BRF2: variants seen among roughly 807,000 people sequenced by gnomAD.
BRF2 encodes transcription factor IIIB 50 kDa subunit.
In BRF2, 17 loss-of-function variants were observed where a neutral mutation model predicts 26.6. That is an observed-to-expected ratio of 0.64 (90% CI 0.44 to 0.96). The LOEUF is 0.96. Ranked by LOEUF, BRF2 falls within the 40% of genes least tolerant of loss-of-function variation. The pLI, the probability that BRF2 is intolerant of heterozygous loss-of-function variation, is 0.00. For missense variants in BRF2, 515 were observed against 537.0 expected, an observed-to-expected ratio of 0.96 and a Z score of 0.40; for synonymous variants, 219 against 226.6, an observed-to-expected ratio of 0.97 and a Z score of 0.30.
At chr8:37,849,376 A>G (rs1029069873) in intron 1 of BRF2, among the ~76,000 whole-genome samples, 3 of 152,212 alleles carry the variant, frequency 2.0e-5, no homozygotes, top group Non-Finnish European at 4.4e-5. Context: ...ACATGGCAAG[A>G]TGAGTGGAAC....
rs545787925 is a variant in BRF2 at position 37,848,645 on chromosome 8, A to G, written c.165T>C (p.Tyr55=). The stretch of plus-strand genomic sequence containing the variant: ...GTTCGTTTTCCCCTGTGCTTCGGGA[A>G]TATGTTACCTCTGTAAGATAATAAA... ...SDEGNLREVT[Y]SRSTGENEQV... is the part of the protein sequence containing the mutation. Residue 55 remains tyrosine, a synonymous_variant, in exon 2 of 4, where the codon TAT becomes TAC. Coordinates refer to ENST00000220659, the MANE Select transcript of BRF2 (RefSeq NM_018310.4). 2.5e-6 allele frequency: 4 copies of G among 1,613,800 alleles called. No homozygotes were observed. The highest frequency in any genetic ancestry group is 3.4e-6 in the Non-Finnish European group (4 of 1,179,770).
intron 3 of BRF2, among the ~76,000 whole-genome samples, chr8:37,846,070 G>A (rs554270077): frequency 1.8e-4 from 28 of 152,114 alleles, no homozygotes; most frequent in African/African-American, 5.3e-4. Context: ...ATTCTTTGGC[G>A]GGGTGCAGTG....
At position 37,843,459 on chromosome 8, in the gene BRF2, A is replaced by AG. The variant is rs1424640369; in HGVS notation, c.*1030dup. ...GTGGCTGGGGTCCCTGCAGGTCATG[A>AG]GGGGCCTATGCCTTTACTCCTTTTA... On this transcript the variant is annotated 3_prime_UTR_variant, in exon 4 of 4. Transcript: ENST00000220659. The AG allele has an allele frequency of 6.6e-6, 1 of 152,220 alleles. No homozygotes were observed. Among genetic ancestry groups the AG allele is most frequent in the Non-Finnish European group, 1.5e-5 (1 of 68,050 alleles). 9.4% of individuals were successfully genotyped at this position (152,220 alleles called of 1,614,324 possible).
chr8:37,846,781 T>C lies in BRF2; in HGVS notation c.536+73A>G, dbSNP rs28490896. On this transcript the variant is annotated intron_variant, in intron 3 of 3. Coordinates refer to ENST00000220659, the MANE Select transcript of BRF2 (RefSeq NM_018310.4). The stretch of plus-strand genomic sequence containing the variant: ...AGACTCCAAGAAAAAAAAAAAGAGA[T>C]GGCCAAAGGTCAAAGGATTCAGGTC... The C allele has an allele frequency of 7.8e-3, 8,399 of 1,072,972 alleles. 471 individuals are homozygous for C. The African/African-American group carries it at 0.12, about 15-fold the overall frequency. The allele number at this position is 1,072,972 out of a possible 1,614,324, so 66.5% of individuals were successfully genotyped here.
At chr8:37,845,359 G>A (rs773372312) in intron 3 of BRF2, 146 bp from the exon 4 acceptor site, 13 of 702,126 alleles carry the variant, frequency 1.9e-5, no homozygotes, top group African/African-American at 5.3e-5. Flanking sequence ...TAAAGGTAGT[G>A]AGAGAAAACA....
intron 3 of BRF2, chr8:37,845,842 TTAAC>T: frequency 1.7e-6 from 1 of 598,118 alleles, no homozygotes; most frequent in Non-Finnish European, 3.0e-6. Flanking sequence ...AGTTATGTCA[TTAAC>T]TAATATACTT....
chr8:37,845,634 T>C, intron 3 of BRF2: 4 of 688,122 alleles, frequency 5.8e-6, no homozygotes, highest in East Asian at 2.7e-5. Flanking sequence ...GAAAAGAACA[T>C]AGCTACTTCA....
At chr8:37,848,142 G>A (rs1299550291) in intron 2 of BRF2, among the ~76,000 whole-genome samples, 8 of 151,330 alleles carry the variant, frequency 5.3e-5, no homozygotes, top group Non-Finnish European at 1.2e-4. Flanking sequence ...AGTAGAGATG[G>A]GGTTTCATCG....
chr8:37,847,243 G>T, intron 2 of BRF2, 68 bp from the exon 3 acceptor site: 1 of 1,414,098 alleles, frequency 7.1e-7, no homozygotes, highest in Non-Finnish European at 1.0e-6. Flanking sequence ...AGAAAATTCT[G>T]CTAGGACTTA....
At position 37,844,628 on chromosome 8, in the gene BRF2, A is replaced by G. The variant is rs1805915721; in HGVS notation, c.1122T>C (p.Pro374=). ...TCTCATCTCCAGTGACAGTGGAGAC[A>G]GGGGGTACAGGGCAGATCCGCTTCG... ...KSPKRICPVP[P]VSTVTGDENI... is the part of the protein sequence containing the mutation. Residue 374 remains proline (P), a synonymous_variant, in exon 4 of 4, where the codon CCT becomes CCC. Coordinates refer to ENST00000220659, the MANE Select transcript of BRF2 (RefSeq NM_018310.4). 4.3e-6 allele frequency: 7 copies of G among 1,613,942 alleles called. No homozygotes were observed. The highest frequency in any genetic ancestry group is 1.1e-5 in the South Asian group (1 of 91,044).
chr8:37,845,277 A>G, intron 3 of BRF2, 64 bp from the exon 4 acceptor site: 1 of 1,316,416 alleles, frequency 7.6e-7, no homozygotes, highest in Non-Finnish European at 1.1e-6. Flanking sequence ...ACAGTGAGGA[A>G]AGACAGCCCA....
intron 2 of BRF2, among the ~76,000 whole-genome samples, chr8:37,847,591 G>A (rs747073915): frequency 2.6e-5 from 4 of 152,140 alleles, no homozygotes; most frequent in Non-Finnish European, 5.9e-5. Flanking sequence ...GTGCAGTGGC[G>A]CCATCTTGGC....
At chr8:37,849,242 G>C (rs774042267) in intron 1 of BRF2, among the ~76,000 whole-genome samples, 1 of 152,204 alleles carries the variant, frequency 6.6e-6, no homozygotes, top group African/African-American at 2.4e-5. Flanking sequence ...CAGATTTTGA[G>C]GGCTGCACTG....
At chr8:37,849,557 G>C (rs1806029944) in intron 1 of BRF2, 73 bp downstream of exon 1, 2 of 1,233,768 alleles carry the variant, frequency 1.6e-6, no homozygotes, top group South Asian at 2.6e-5. Flanking sequence ...GGAGTATGGG[G>C]GGAGCGGGGA....
chr8:37,846,520 C>A (rs7008256), intron 3 of BRF2, among the ~76,000 whole-genome samples: 5 of 151,934 alleles, frequency 3.3e-5, no homozygotes, highest in Admixed American at 6.5e-5. Context: ...TTTGGGAGGC[C>A]GAGGCAGGCG....
rs1563358894 is a variant in BRF2 at position 37,846,931 on chromosome 8, G to A, written c.459C>T (p.Tyr153=). ...YADLDVFSST[Y]MQIVKLLGLD... ...GTCCCAGGAGCTTCACTATCTGCAT[G>A]TAAGTGCTAGAAAACACATCCAAAT... is the stretch of plus-strand genomic sequence containing the variant. Residue 153 remains tyrosine (Y), a synonymous_variant, in exon 3 of 4, where the codon TAC becomes TAT. Transcript: ENST00000220659. 4 of 1,614,154 alleles carry A rather than the reference G, an allele frequency of 2.5e-6. No homozygotes were observed. The highest frequency in any genetic ancestry group is 3.4e-6 in the Non-Finnish European group (4 of 1,179,996).
At chr8:37,848,197 G>A (rs892277394) in intron 2 of BRF2, among the ~76,000 whole-genome samples, 32 of 151,438 alleles carry the variant, frequency 2.1e-4, no homozygotes, top group African/African-American at 7.8e-4. Context: ...TGATCCGCCC[G>A]CCTCGGCCTC....
intron 2 of BRF2, 97 bp from the exon 3 acceptor site, chr8:37,847,272 G>T: frequency 9.5e-7 from 1 of 1,053,614 alleles, no homozygotes; most frequent in Non-Finnish European, 1.5e-6. Context: ...TGCTAAACTT[G>T]CCTCAGATAT....
In BRF2 at chr8:37,848,624, G is replaced by T. The variant is rs1806008831; in HGVS notation, c.186C>A (p.Asn62Lys). The T allele has an allele frequency of 6.2e-7, 1 of 1,614,076 alleles. No individual in the cohort carries two copies. Residue 62 changes from asparagine to lysine, a missense_variant, in exon 2 of 4, where the codon AAC becomes AAA. Asn to Lys is a moderately conservative substitution (Grantham distance 94). Transcript: ENST00000220659. ...GTTGCTGGCTGCGACTAACTTGTTC[G>T]TTTTCCCCTGTGCTTCGGGAATATG... ...EVTYSRSTGENEQVSRSQQRG... is the reference protein window; with the variant it reads ...EVTYSRSTGEKEQVSRSQQRG...
Sources: gnomAD v4.1 joint callset for allele counts (sites outside exome capture counted in the v4.1 genomes callset) on GRCh38, gnomAD v4.1.1 for gene constraint, MANE v1.5 for transcripts, NCBI Gene and HGNC (gene_info 2026-07-23, HGNC 2026-07-21) for gene names.